Variants in ROR2 observed in about 807,000 individuals in gnomAD.
The protein encoded by ROR2 is tyrosine-protein kinase transmembrane receptor ROR2.
In ROR2, 33 loss-of-function variants were observed where a neutral mutation model predicts 74.9. That is an observed-to-expected ratio of 0.44 (90% CI 0.33 to 0.59). The LOEUF is 0.59. Ranked by LOEUF, ROR2 falls within the 20% of genes least tolerant of loss-of-function variation. ROR2 has a pLI of 0.02. For synonymous variants in ROR2, 586 were observed against 558.7 expected, an observed-to-expected ratio of 1.05 and a Z score of -0.69; for missense variants, 1,216 against 1,313.8, an observed-to-expected ratio of 0.93 and a Z score of 1.15.
chr9:91,906,689 T>C (rs1830827615), intron 1 of ROR2, among the ~76,000 whole-genome samples: 2 of 152,216 alleles, frequency 1.3e-5, no homozygotes, highest in South Asian at 4.1e-4. Flanking sequence ...CTATCCTTTT[T>C]GGTCTTTATT....
chr9:91,858,674 C>T (rs761543178), intron 1 of ROR2, among the ~76,000 whole-genome samples: 1 of 152,162 alleles, frequency 6.6e-6, no homozygotes, highest in African/African-American at 2.4e-5. Context: ...CGCTTAAGGA[C>T]ACATTTTGTG....
At chr9:91,825,133 G>C (rs1249465752) in intron 1 of ROR2, among the ~76,000 whole-genome samples, 1 of 152,234 alleles carries the variant, frequency 6.6e-6, no homozygotes, top group African/African-American at 2.4e-5. Context: ...ACCGCTGGCA[G>C]CATGTCTGTA....
intron 1 of ROR2, among the ~76,000 whole-genome samples, chr9:91,944,684 A>G (rs1831966685): frequency 6.6e-6 from 1 of 152,228 alleles, no homozygotes; most frequent in Admixed American, 6.5e-5. Flanking sequence ...TACACTAAAA[A>G]CTAAAAAACA....
At chr9:91,906,242 G>C (rs765888036) in intron 1 of ROR2, among the ~76,000 whole-genome samples, 4 of 152,220 alleles carry the variant, frequency 2.6e-5, no homozygotes, top group African/African-American at 4.8e-5. Context: ...CTGCACGACA[G>C]AGCAGGACTG....
At chr9:91,943,600 A>G (rs933736875) in intron 1 of ROR2, among the ~76,000 whole-genome samples, 9 of 152,108 alleles carry the variant, frequency 5.9e-5, no homozygotes, top group African/African-American at 2.2e-4. Flanking sequence ...TACCCACACC[A>G]CTATGAAAAT....
intron 1 of ROR2, among the ~76,000 whole-genome samples, chr9:91,829,479 G>C (rs951610413): frequency 1.4e-5 from 2 of 148,008 alleles, no homozygotes; most frequent in Non-Finnish European, 3.0e-5. Flanking sequence ...GAACCCAGAA[G>C]GCGGAGGTTG....
chr9:91,896,962 G>T (rs55845314), intron 1 of ROR2, among the ~76,000 whole-genome samples: 1 of 152,010 alleles, frequency 6.6e-6, no homozygotes, highest in Non-Finnish European at 1.5e-5. Flanking sequence ...CTCTCTGCCC[G>T]GTAACACAGC....
chr9:91,827,660 G>A (rs1443472206), intron 1 of ROR2, among the ~76,000 whole-genome samples: 2 of 152,150 alleles, frequency 1.3e-5, no homozygotes, highest in African/African-American at 2.4e-5. Flanking sequence ...CAAGAGACTG[G>A]TCCAATGTAC....
chr9:91,817,297 C>T (rs1421756726), intron 1 of ROR2, among the ~76,000 whole-genome samples: 2 of 152,236 alleles, frequency 1.3e-5, no homozygotes, highest in South Asian at 2.1e-4. Flanking sequence ...AGGACCCTGG[C>T]GTGCCTCCAC....
At chr9:91,915,834 A>G (rs975783786) in intron 1 of ROR2, among the ~76,000 whole-genome samples, 2 of 152,170 alleles carry the variant, frequency 1.3e-5, no homozygotes, top group Non-Finnish European at 2.9e-5. Flanking sequence ...TGCTTTTTAC[A>G]ATCCTAGATA....
intron 1 of ROR2, among the ~76,000 whole-genome samples, chr9:91,783,060 G>GTCA (rs1826676363): frequency 6.6e-6 from 1 of 152,112 alleles, no homozygotes; most frequent in Non-Finnish European, 1.5e-5. Context: ...TCTGCTGCAG[G>GTCA]TCACTCCTTG....
chr9:91,926,010 G>A (rs1251166531), intron 1 of ROR2, among the ~76,000 whole-genome samples: 2 of 152,130 alleles, frequency 1.3e-5, no homozygotes, highest in South Asian at 4.1e-4. Flanking sequence ...CTGGGAGGCC[G>A]AGGCAGGCGG....
chr9:91,917,604 T>G (rs1831168847), intron 1 of ROR2, among the ~76,000 whole-genome samples: 1 of 152,078 alleles, frequency 6.6e-6, no homozygotes, highest in African/African-American at 2.4e-5. Flanking sequence ...TGGCCAACCC[T>G]CCCCACAGCG....
intron 1 of ROR2, among the ~76,000 whole-genome samples, chr9:91,776,605 G>A (rs1826427329): frequency 6.6e-6 from 1 of 152,340 alleles, no homozygotes; most frequent in African/African-American, 2.4e-5. Flanking sequence ...GGGGGAGGAC[G>A]AGTGGTCCCA....
At chr9:91,772,254 C>T (rs1200900556) in intron 2 of ROR2, among the ~76,000 whole-genome samples, 1 of 152,236 alleles carries the variant, frequency 6.6e-6, no homozygotes, top group Non-Finnish European at 1.5e-5. Context: ...GGGCAGTTCA[C>T]TACAGATCCT....
chr9:91,837,142 T>G (rs1479083933), intron 1 of ROR2, among the ~76,000 whole-genome samples: 3 of 42,034 alleles, frequency 7.1e-5, no homozygotes, highest in East Asian at 9.3e-4. Flanking sequence ...TTGCTTACTG[T>G]TTTTTTTTTT....
rs374824850 is a variant in ROR2 at position 91,723,770 on chromosome 9, G to A, written c.2724C>T (p.Thr908=). 3.3e-5 allele frequency: 54 copies of A among 1,613,762 alleles called. No individual in the cohort carries two copies. Among genetic ancestry groups the A allele is most frequent in the East Asian group, 2.2e-4 (10 of 44,888 alleles). The stretch of plus-strand genomic sequence containing the variant: ...CCTCCTCCTCCTCTGCTTCCTGCAC[G>A]GTGCTCTGGGCCCCATCTTCTGGGG... The part of the protein sequence containing the change: ...QNAPEDGAQS[T]VQEAEEEEEG... The change falls in exon 9 of 9, where the codon ACC becomes ACT. Residue 908 remains threonine (T), a synonymous_variant. Transcript: ENST00000375708.
chr9:91,787,953 A>T (rs558231481), intron 1 of ROR2, among the ~76,000 whole-genome samples: 1 of 152,368 alleles, frequency 6.6e-6, no homozygotes, highest in South Asian at 2.1e-4. Flanking sequence ...ATATGTTCAA[A>T]AAAATAAAGA....
chr9:91,762,459 C>T (rs908349630), intron 2 of ROR2, among the ~76,000 whole-genome samples: 3 of 152,126 alleles, frequency 2.0e-5, no homozygotes, highest in Non-Finnish European at 4.4e-5. Context: ...GTTTTTTCAA[C>T]ATTCTTTTTT....
Sources: allele counts gnomAD v4.1 joint callset (sites outside exome capture counted in the v4.1 genomes callset), GRCh38; gene constraint gnomAD v4.1.1; transcripts MANE v1.5; gene names NCBI Gene and HGNC (gene_info 2026-07-23, HGNC 2026-07-21).